The following ROBO1 variants were observed in gnomAD, a reference collection of about 807,000 sequenced individuals.
ROBO1 encodes roundabout homolog 1.
A neutral mutation model predicts 195.9 loss-of-function variants in ROBO1; 149 were observed. The ratio of observed to expected loss-of-function variants is 0.76; its 90% confidence interval spans 0.67 to 0.87. The LOEUF is 0.87. Ranked by LOEUF, ROBO1 falls within the 40% of genes least tolerant of loss-of-function variation. The pLI, the probability that ROBO1 is intolerant of heterozygous loss-of-function variation, is 0.00. For missense variants in ROBO1, 1,933 were observed against 2,068.3 expected, an observed-to-expected ratio of 0.93 and a Z score of 1.27; for synonymous variants, 816 against 733.2, an observed-to-expected ratio of 1.11 and a Z score of -1.82.
intron 1 of ROBO1, among the ~76,000 whole-genome samples, chr3:79,755,819 C>T (rs1333064946): frequency 6.6e-6 from 1 of 152,192 alleles, no homozygotes; most frequent in East Asian, 1.9e-4. Context: ...TTCACGATCT[C>T]AGCACACATT....
In ROBO1 at chr3:79,595,365, G is replaced by A. The variant is rs551962617; in HGVS notation, c.-50-5404C>T. Among the ~76,000 whole-genome samples, 36 of 152,086 alleles carry A rather than the reference G, an allele frequency of 2.4e-4. 1 individual carries two copies. Among genetic ancestry groups the A allele is most frequent in the Admixed American group, 2.0e-3 (31 of 15,254 alleles). On this transcript the variant is annotated intron_variant, in intron 1 of 30. Transcript: ENST00000464233. ...AAGTCAAAAGCATTTCTTTGAGCAC[G>A]AATTTCGTATTACATAAGAGAACAC...
chr3:79,017,074 A>G (rs2077959907), intron 3 of ROBO1, among the ~76,000 whole-genome samples: 1 of 152,210 alleles, frequency 6.6e-6, no homozygotes, highest in Non-Finnish European at 1.5e-5. Context: ...CGTACATGAG[A>G]TATACCAGGT....
At chr3:79,591,093 T>A (rs1943986256) in intron 1 of ROBO1, among the ~76,000 whole-genome samples, 1 of 151,766 alleles carries the variant, frequency 6.6e-6, no homozygotes, top group South Asian at 2.1e-4. Context: ...AAATTTTAGA[T>A]TTGCGAGTTG....
intron 2 of ROBO1, among the ~76,000 whole-genome samples, chr3:79,194,175 G>A (rs140734104): frequency 9.9e-4 from 150 of 151,764 alleles, no homozygotes; most frequent in African/African-American, 3.5e-3. Flanking sequence ...TCTCTTGAAT[G>A]TTATTTTCTT....
intron 3 of ROBO1, among the ~76,000 whole-genome samples, chr3:79,103,937 C>G (rs976326675): frequency 1.3e-5 from 2 of 151,624 alleles, no homozygotes; most frequent in South Asian, 4.1e-4. Flanking sequence ...TATATTTGGT[C>G]AGGGATTGAC....
intron 1 of ROBO1, among the ~76,000 whole-genome samples, chr3:79,753,240 C>G (rs1704215471): frequency 6.6e-6 from 1 of 151,988 alleles, no homozygotes. Context: ...AGTTCACATT[C>G]CCAGCAATTC....
chr3:78,991,038 A>C (rs2077224842), intron 3 of ROBO1, among the ~76,000 whole-genome samples: 1 of 152,220 alleles, frequency 6.6e-6, no homozygotes, highest in Non-Finnish European at 1.5e-5. Flanking sequence ...CCAACCAACC[A>C]TGTTAATTAT....
At chr3:79,763,759 A>G (rs955960848) in intron 1 of ROBO1, among the ~76,000 whole-genome samples, 3 of 152,186 alleles carry the variant, frequency 2.0e-5, no homozygotes, top group African/African-American at 7.2e-5. Flanking sequence ...AAAGTTATTT[A>G]CTGTTTATGA....
chr3:79,589,211 T>C lies in ROBO1; in HGVS notation c.88+613A>G, dbSNP rs150435430. Among the ~76,000 whole-genome samples, 6 of 151,746 alleles carry C rather than the reference T, an allele frequency of 4.0e-5. 1 individual carries two copies. In the East Asian group the frequency reaches 1.2e-3, roughly 29 times the overall value. On this transcript the variant is annotated intron_variant, in intron 2 of 30. Transcript: ENST00000464233. Reference sequence around the variant, plus strand: ...TTTTTGTATTTTCTGCTACCATACATTGGACCTAATTAATTCCTATTAAAA... The same window carrying C: ...TTTTTGTATTTTCTGCTACCATACACTGGACCTAATTAATTCCTATTAAAA...
chr3:79,040,317 T>C (rs770079410), intron 3 of ROBO1, among the ~76,000 whole-genome samples: 8 of 152,186 alleles, frequency 5.3e-5, no homozygotes, highest in Non-Finnish European at 8.8e-5. Context: ...CAAAAAATGT[T>C]AAATCGTCAT....
At chr3:79,505,966 A>G (rs1200974008) in intron 2 of ROBO1, among the ~76,000 whole-genome samples, 1 of 152,210 alleles carries the variant, frequency 6.6e-6, no homozygotes, top group Non-Finnish European at 1.5e-5. Context: ...TATCAGTGGC[A>G]TTTGTGGAAG....
At chr3:79,659,959 A>G (rs971490833) in intron 1 of ROBO1, among the ~76,000 whole-genome samples, 4 of 152,112 alleles carry the variant, frequency 2.6e-5, no homozygotes, top group Admixed American at 1.3e-4. Context: ...GGTTCCCTAT[A>G]TGCAAGCGTC....
intron 3 of ROBO1, among the ~76,000 whole-genome samples, chr3:79,068,130 T>G (rs1198194773): frequency 1.3e-5 from 2 of 151,886 alleles, no homozygotes; most frequent in Non-Finnish European, 2.9e-5. Flanking sequence ...CCTGATACAT[T>G]ATGGGAGGGG....
chr3:78,624,251 T>A (rs1185312082), intron 26 of ROBO1, among the ~76,000 whole-genome samples: 1 of 152,164 alleles, frequency 6.6e-6, no homozygotes, highest in African/African-American at 2.4e-5. Flanking sequence ...ATTACATAGA[T>A]CACTGGGACT....
chr3:79,678,268 G>A (rs1408736926), intron 1 of ROBO1, among the ~76,000 whole-genome samples: 1 of 151,660 alleles, frequency 6.6e-6, no homozygotes, highest in East Asian at 1.9e-4. Flanking sequence ...AACATGAGGA[G>A]CAGATTAGTT....
chr3:79,098,627 A>T (rs1189045321), intron 3 of ROBO1, among the ~76,000 whole-genome samples: 5 of 151,904 alleles, frequency 3.3e-5, no homozygotes. Flanking sequence ...ACTATATATA[A>T]GAAACAGATG....
intron 2 of ROBO1, among the ~76,000 whole-genome samples, chr3:79,423,725 C>A (rs1575806719): frequency 6.6e-6 from 1 of 152,014 alleles, no homozygotes; most frequent in Admixed American, 6.6e-5. Context: ...CCAAAAGATT[C>A]AGTATTCAGC....
rs56857468 is a variant in ROBO1, at chr3:79,617,921, TA to T, written c.-50-27961del. Among the ~76,000 whole-genome samples the T allele has an allele frequency of 3.9e-3, 565 of 144,414 alleles. 5 individuals are homozygous for T. The highest frequency in any genetic ancestry group is 0.012 in the African/African-American group (472 of 39,328). 94.7% of individuals were successfully genotyped at this position (144,414 alleles called of 152,430 possible). A position where few individuals can be genotyped will look rare whatever the true frequency, so the allele number is the denominator to read the frequency against. On this transcript the variant is annotated intron_variant, in intron 1 of 30. Coordinates refer to ENST00000464233, the MANE Select transcript of ROBO1 (RefSeq NM_002941.4). ...TGAAAAATTGACTAAAGAGATATAT[TA>T]AAAAAAAAAAAAAGAACTTCTGGAA...
intron 2 of ROBO1, among the ~76,000 whole-genome samples, chr3:79,458,217 A>G (rs895781811): frequency 4.6e-5 from 7 of 152,200 alleles, no homozygotes; most frequent in Non-Finnish European, 8.8e-5. Context: ...TTTCAGCACA[A>G]TGAGATTTAA....
Sources: allele counts gnomAD v4.1 joint callset (sites outside exome capture counted in the v4.1 genomes callset), GRCh38; gene constraint gnomAD v4.1.1; transcripts MANE v1.5; gene names NCBI Gene and HGNC (gene_info 2026-07-23, HGNC 2026-07-21).